Variants in ACOT12 observed in about 807,000 individuals in gnomAD.
ACOT12 encodes the protein acetyl-coenzyme A thioesterase.
ACOT12 carries 51 observed loss-of-function variants against 67.7 expected under a neutral mutation model. The ratio of observed to expected loss-of-function variants is 0.75; its 90% CI spans 0.60 to 0.95. ACOT12 has a LOEUF of 0.95. Ranked by LOEUF, ACOT12 falls within the 40% of genes least tolerant of loss-of-function variation. ACOT12 has a pLI of 0.00. For synonymous variants in ACOT12, 251 were observed against 244.6 expected (o/e 1.03, Z -0.24); for missense variants, 734 against 708.1 (o/e 1.04, Z -0.41).
At chr5:81,314,264 C>A in the ACOT12 span, among the ~76,000 whole-genome samples, 1 of 152,080 alleles carries the variant, frequency 6.6e-6, no homozygotes, top group Non-Finnish European at 1.5e-5. Flanking sequence ...ACCACCACAC[C>A]CCGCTAATTT....
intron 5 of ACOT12, among the ~76,000 whole-genome samples, chr5:81,350,192 G>C (rs77409752): frequency 6.6e-6 from 1 of 151,822 alleles, no homozygotes; most frequent in Non-Finnish European, 1.5e-5. Context: ...TGTCTATCTG[G>C]CTGCATTCTA....
At chr5:81,386,602 A>C (rs1191928905) in intron 1 of ACOT12, among the ~76,000 whole-genome samples, 2 of 152,168 alleles carry the variant, frequency 1.3e-5, no homozygotes, top group Non-Finnish European at 2.9e-5. Flanking sequence ...GATTTTGAGA[A>C]ACACAATTGA....
intron 12 of ACOT12, among the ~76,000 whole-genome samples, chr5:81,334,904 G>A (rs999688808): frequency 3.3e-5 from 5 of 152,186 alleles, no homozygotes; most frequent in East Asian, 1.9e-4. Context: ...AGTGGCAGGA[G>A]TGGGAGATGT....
At chr5:81,337,942 C>T (rs2153845611) in intron 11 of ACOT12, among the ~76,000 whole-genome samples, 1 of 152,312 alleles carries the variant, frequency 6.6e-6, no homozygotes, top group South Asian at 2.1e-4. Context: ...GAATTCTGCC[C>T]TTACAGAGCT....
intron 6 of ACOT12, among the ~76,000 whole-genome samples, chr5:81,346,874 T>C (rs2153849869): frequency 6.6e-6 from 1 of 152,352 alleles, no homozygotes; most frequent in Admixed American, 6.5e-5. Context: ...TTATGAAAAT[T>C]GTCAGAAGGG....
intron 4 of ACOT12, among the ~76,000 whole-genome samples, chr5:81,362,932 C>G (rs1046566672): frequency 6.6e-6 from 1 of 152,124 alleles, no homozygotes; most frequent in Non-Finnish European, 1.5e-5. Context: ...GAGTGCAGGC[C>G]AGGCTCCATA....
chr5:81,343,423 T>C (rs984345003), intron 10 of ACOT12, among the ~76,000 whole-genome samples: 8 of 152,212 alleles, frequency 5.3e-5, no homozygotes, highest in African/African-American at 1.9e-4. Context: ...ATAATCAATG[T>C]GTAATAAGTA....
chr5:81,362,400 A>G (rs1396247387), intron 4 of ACOT12, among the ~76,000 whole-genome samples: 1 of 152,086 alleles, frequency 6.6e-6, no homozygotes, highest in Non-Finnish European at 1.5e-5. Context: ...TCCTGACCTC[A>G]GGTGATCCAC....
chr5:81,348,481 G>GA (rs1328883879), intron 5 of ACOT12, among the ~76,000 whole-genome samples: 1 of 152,194 alleles, frequency 6.6e-6, no homozygotes, highest in Non-Finnish European at 1.5e-5. Flanking sequence ...CTTCAGAATG[G>GA]AAATGTGGCC....
chr5:81,383,022 A>G (rs778831630), intron 2 of ACOT12, among the ~76,000 whole-genome samples: 1 of 152,198 alleles, frequency 6.6e-6, no homozygotes, highest in Non-Finnish European at 1.5e-5. Context: ...CATGTTTCCA[A>G]TATCTAATGA....
At chr5:81,324,055 C>A in the ACOT12 span, among the ~76,000 whole-genome samples, 10 of 151,926 alleles carry the variant, frequency 6.6e-5, no homozygotes, top group African/African-American at 2.4e-4. Context: ...AATTCTTCTG[C>A]CTCAGCCTCC....
At chr5:81,390,265 C>T (rs1283662124) in intron 1 of ACOT12, among the ~76,000 whole-genome samples, 1 of 151,048 alleles carries the variant, frequency 6.6e-6, no homozygotes, top group African/African-American at 2.4e-5. Flanking sequence ...CCTGGCCACA[C>T]TTTATTTTTA....
the ACOT12 span, among the ~76,000 whole-genome samples, chr5:81,311,619 T>A: frequency 6.6e-6 from 1 of 152,226 alleles, no homozygotes; most frequent in Non-Finnish European, 1.5e-5. Context: ...ATAAAAAATA[T>A]GAAATAACTT....
At chr5:81,367,298 C>A (rs975549345) in intron 3 of ACOT12, among the ~76,000 whole-genome samples, 2 of 152,040 alleles carry the variant, frequency 1.3e-5, no homozygotes, top group Non-Finnish European at 2.9e-5. Flanking sequence ...ATATAAAATA[C>A]TTCTTTTCAT....
At chr5:81,349,832 A>C (rs1435593400) in intron 5 of ACOT12, among the ~76,000 whole-genome samples, 4 of 152,180 alleles carry the variant, frequency 2.6e-5, no homozygotes, top group African/African-American at 9.7e-5. Flanking sequence ...TCTCAACAGA[A>C]TATTTTTAGG....
chr5:81,364,300 CAT>C (rs1259686235), intron 3 of ACOT12, among the ~76,000 whole-genome samples: 2 of 150,746 alleles, frequency 1.3e-5, no homozygotes, highest in Non-Finnish European at 3.0e-5. Context: ...AATACATACA[CAT>C]ATATAATATC....
chr5:81,311,382 A>T, the ACOT12 span: 1 of 1,187,392 alleles, frequency 8.4e-7, no homozygotes, highest in East Asian at 2.3e-5. Context: ...TAATGATTTT[A>T]AGACAACCTG....
chr5:81,326,586 G>A (rs968986913), downstream of ACOT12, among the ~76,000 whole-genome samples: 5 of 152,200 alleles, frequency 3.3e-5, no homozygotes, highest in Non-Finnish European at 7.3e-5. Flanking sequence ...GTCCCACAGA[G>A]GTGACAAGAA....
At chr5:81,339,203 G>C (rs1451075233) in intron 11 of ACOT12, among the ~76,000 whole-genome samples, 1 of 152,218 alleles carries the variant, frequency 6.6e-6, no homozygotes, top group Non-Finnish European at 1.5e-5. Flanking sequence ...CAGAAGCCTA[G>C]GGGAGCCTTC....
Sources: allele counts gnomAD v4.1 joint callset (sites outside exome capture counted in the v4.1 genomes callset), GRCh38; gene constraint gnomAD v4.1.1; transcripts MANE v1.5; gene names NCBI Gene and HGNC (gene_info 2026-07-23, HGNC 2026-07-21).